The following ANK3 variants were observed in gnomAD, a reference collection of about 807,000 sequenced individuals.
The protein encoded by ANK3 is ankyrin-3.
ANK3 carries 57 observed loss-of-function variants against 370.9 expected under a neutral mutation model. The observed-to-expected ratio is 0.15, with a 90% confidence interval of 0.12 to 0.19. ANK3 has a LOEUF of 0.19. Among genes scored for constraint, ANK3 ranks in the 10% least tolerant of loss-of-function variants. ANK3 has a pLI of 1.00. For synonymous variants in ANK3, 1,929 were observed against 1,946.3 expected (o/e 0.99, Z 0.23); for missense variants, 4,439 against 5,302.1 (o/e 0.84, Z 5.06).
chr10:60,279,646 TAAAAA>T lies in ANK3; in HGVS notation c.115-12_115-8del, dbSNP rs1287459716. On this transcript the variant is annotated splice_region_variant and splice_polypyrimidine_tract_variant and intron_variant, in intron 1 of 43. Transcript: ENST00000280772. ...AACTTGCATTGGCATCAGACTAAAATAAAAAAGAAACACATTTTGATGAAAAATGA... is the reference window on the plus strand; with the variant it reads ...AACTTGCATTGGCATCAGACTAAAATAGAAACACATTTTGATGAAAAATGA... 6.9e-6 allele frequency: 11 copies of T among 1,604,104 alleles called. No individual in the cohort carries two copies. Among genetic ancestry groups the T allele is most frequent in the Non-Finnish European group, 9.4e-6 (11 of 1,176,192 alleles).
intron 2 of ANK3, among the ~76,000 whole-genome samples, chr10:60,591,506 A>G (rs2077914079): frequency 6.6e-6 from 1 of 151,920 alleles, no homozygotes; most frequent in African/African-American, 2.4e-5. Flanking sequence ...ACTATGGAGA[A>G]CAGTTTGTAG....
chr10:60,078,898 C>G (rs2084443124), intron 36 of ANK3, among the ~76,000 whole-genome samples: 1 of 152,190 alleles, frequency 6.6e-6, no homozygotes, highest in Admixed American at 6.5e-5. Flanking sequence ...GGAACACAAG[C>G]TGCATACACC....
intron 2 of ANK3, among the ~76,000 whole-genome samples, chr10:60,405,579 T>C (rs978527676): frequency 2.6e-5 from 4 of 152,188 alleles, no homozygotes; most frequent in African/African-American, 9.6e-5. Flanking sequence ...TTACCAAGTA[T>C]ATGCTTTTGC....
At chr10:60,381,250 G>A (rs555795412) in intron 1 of ANK3, among the ~76,000 whole-genome samples, 17 of 151,832 alleles carry the variant, frequency 1.1e-4, no homozygotes, top group Non-Finnish European at 1.9e-4. Flanking sequence ...ATGTTTGAAT[G>A]TGCAAAATAA....
intron 14 of ANK3, among the ~76,000 whole-genome samples, chr10:60,197,931 C>A (rs946226501): frequency 1.3e-5 from 2 of 152,242 alleles, no homozygotes; most frequent in East Asian, 3.9e-4. Context: ...CAAACAAAAA[C>A]AACCCCAAGA....
At chr10:60,298,784 AT>A (rs938855663) in intron 1 of ANK3, among the ~76,000 whole-genome samples, 2 of 152,154 alleles carry the variant, frequency 1.3e-5, no homozygotes, top group African/African-American at 2.4e-5. Flanking sequence ...TTATTAATTA[AT>A]AAAAGGCCAG....
intron 3 of ANK3, 80 bp from the exon 4 acceptor site, chr10:60,278,952 A>G: frequency 7.0e-6 from 11 of 1,570,154 alleles, no homozygotes; most frequent in Non-Finnish European, 8.8e-6. Flanking sequence ...CAAATTTGAC[A>G]AATATCTTAT....
chr10:60,535,033 GC>G lies in ANK3; in HGVS notation c.96+80152del, dbSNP rs1488570103. Among the ~76,000 whole-genome samples, 10 of 152,234 alleles carry G rather than the reference GC, an allele frequency of 6.6e-5. No individual in the cohort carries two copies. In the East Asian group the frequency reaches 1.5e-3, roughly 24 times the overall value. The stretch of plus-strand genomic sequence containing the variant: ...GTAAATATTCATACAACTGCTGGAA[GC>G]AAGTTGGGCTCACTGCAGCTACGGC... On this transcript the variant is annotated intron_variant, in intron 2 of 43. Transcript: ENST00000373827.
intron 42 of ANK3, 22 bp downstream of exon 42, chr10:60,055,636 A>G (rs1223831645): frequency 1.3e-6 from 2 of 1,576,686 alleles, no homozygotes; most frequent in Non-Finnish European, 1.7e-6. Flanking sequence ...AATGACTGCT[A>G]CCGGATGACC....
intron 1 of ANK3, among the ~76,000 whole-genome samples, chr10:60,318,328 C>G (rs1331767033): frequency 3.3e-5 from 5 of 152,320 alleles, no homozygotes; most frequent in Middle Eastern, 3.4e-3. Flanking sequence ...CCCTTCTTAA[C>G]AGTTCACAGT....
chr10:60,101,602 T>C (rs1439411583), intron 28 of ANK3, among the ~76,000 whole-genome samples: 1 of 152,184 alleles, frequency 6.6e-6, no homozygotes, highest in East Asian at 1.9e-4. Flanking sequence ...TTAAAGTTGT[T>C]CTTGTTGCAT....
intron 4 of ANK3, among the ~76,000 whole-genome samples, chr10:60,275,532 T>C (rs1178409996): frequency 6.6e-6 from 1 of 152,178 alleles, no homozygotes; most frequent in Non-Finnish European, 1.5e-5. Flanking sequence ...AAGATTTGCA[T>C]TGATTCATAT....
At position 60,246,255 on chromosome 10, in the gene ANK3, C is replaced by CAAA. The variant is rs869144298; in HGVS notation, c.799-11472_799-11470dup. Among the ~76,000 whole-genome samples, 77 of 92,624 alleles carry CAAA rather than the reference C, an allele frequency of 8.3e-4. 6 individuals are homozygous for CAAA. Among genetic ancestry groups the CAAA allele is most frequent in the African/African-American group, 2.6e-3 (56 of 21,258 alleles). 60.8% of individuals were successfully genotyped at this position (92,624 alleles called of 152,430 possible). A position where few individuals can be genotyped will look rare whatever the true frequency, so the allele number is the denominator to read the frequency against. ...TGGGCAACAGAGAGAAACCCTGTATCAAAAAAAAAAAAAAAAAAAAAAAAA... is the reference window on the plus strand; with the variant it reads ...TGGGCAACAGAGAGAAACCCTGTATCAAAAAAAAAAAAAAAAAAAAAAAAAAAA... On this transcript the variant is annotated intron_variant, in intron 7 of 43. Transcript: ENST00000280772.
At chr10:60,137,956 C>T (rs911641065) in intron 24 of ANK3, among the ~76,000 whole-genome samples, 1 of 151,834 alleles carries the variant, frequency 6.6e-6, no homozygotes, top group Non-Finnish European at 1.5e-5. Context: ...GTTATTTTTC[C>T]TCTTCCTGTT....
chr10:60,538,348 A>C (rs2076769517), intron 2 of ANK3, among the ~76,000 whole-genome samples: 1 of 151,894 alleles, frequency 6.6e-6, no homozygotes, highest in East Asian at 1.9e-4. Flanking sequence ...AAAAATCTTA[A>C]AAGCCAAATC....
chr10:60,588,844 A>T (rs936157334), intron 2 of ANK3, among the ~76,000 whole-genome samples: 1 of 152,180 alleles, frequency 6.6e-6, no homozygotes, highest in African/African-American at 2.4e-5. Context: ...CAGGATGTTG[A>T]GGCTGCAGTG....
Position 60,156,392 on chromosome 10 carries a change from G to C in ANK3, c.2614+10199C>G, listed in dbSNP as rs183110685. On this transcript the variant is annotated intron_variant, in intron 23 of 43. Transcript: ENST00000280772. ...GTCCTGATGGGACAAACCCCGTTCT[G>C]CTGAATAGAGTGGCTTTGGCTTGGA... Among the ~76,000 whole-genome samples, 1,450 of 152,326 alleles carry C rather than the reference G, an allele frequency of 9.5e-3. 19 individuals carry two copies. The highest frequency in any genetic ancestry group is 0.032 in the African/African-American group (1,350 of 41,574).
intron 1 of ANK3, among the ~76,000 whole-genome samples, chr10:60,726,543 T>A (rs2079943413): frequency 6.6e-6 from 1 of 152,252 alleles, no homozygotes; most frequent in South Asian, 2.1e-4. Flanking sequence ...TTTAAAGATG[T>A]GGAAGCTGAG....
intron 8 of ANK3, among the ~76,000 whole-genome samples, chr10:60,223,911 G>T (rs1047801865): frequency 1.3e-5 from 2 of 150,578 alleles, no homozygotes; most frequent in African/African-American, 4.9e-5. Context: ...CAGAGAACTG[G>T]CATATTCATT....
Sources: gnomAD v4.1 joint callset for allele counts (sites outside exome capture counted in the v4.1 genomes callset) on GRCh38, gnomAD v4.1.1 for gene constraint, MANE v1.5 for transcripts, NCBI Gene and HGNC (gene_info 2026-07-23, HGNC 2026-07-21) for gene names.